Variants in AFG3L2 observed in about 807,000 individuals in gnomAD.
AFG3L2 encodes AFG3 like matrix AAA peptidase subunit 2, also known as mitochondrial inner membrane m-AAA protease component AFG3L2.
In AFG3L2, 54 loss-of-function variants were observed where a neutral mutation model predicts 94.5. The ratio of observed to expected loss-of-function variants is 0.57; its 90% CI spans 0.46 to 0.72. The LOEUF is 0.72. AFG3L2 is among the 30% of genes least tolerant of loss of function. AFG3L2 has a pLI of 0.00. For missense variants in AFG3L2, 754 were observed against 994.9 expected, an observed-to-expected ratio of 0.76 and a Z score of 3.26; for synonymous variants, 377 against 365.5, an observed-to-expected ratio of 1.03 and a Z score of -0.36.
intron 2 of AFG3L2, among the ~76,000 whole-genome samples, chr18:12,371,145 T>TCTA (rs1345840809): frequency 6.6e-6 from 1 of 152,068 alleles, no homozygotes; most frequent in African/African-American, 2.4e-5. Flanking sequence ...AAACTCCGAC[T>TCTA]CTACTAAAAG....
At chr18:12,339,967 C>CCAA (rs1159473073) in intron 15 of AFG3L2, among the ~76,000 whole-genome samples, 3 of 152,082 alleles carry the variant, frequency 2.0e-5, no homozygotes, top group African/African-American at 7.2e-5. Context: ...TTGCAGTGAG[C>CCAA]CAAGATAGAG....
In AFG3L2 at chr18:12,371,685, G is replaced by C. The variant is rs1324490374; in HGVS notation, c.121C>G (p.Arg41Gly). The C allele has an allele frequency of 6.2e-7, 1 of 1,613,438 alleles. No homozygotes were observed. The highest frequency in any genetic ancestry group is 1.1e-5 in the South Asian group (1 of 91,044). The change falls in exon 2 of 17, where the codon CGA becomes GGA. Residue 41 changes from arginine to glycine, a missense_variant. Transcript: ENST00000269143. ...GCCCTTGCTTGAGTTGTAACAAATC[G>C]GTAAAGCTGCAACAAGACATAAAAA... ...GEQPCLRTLY[R>G]FVTTQARASR...
At position 12,372,196 on chromosome 18, in the gene AFG3L2, C is replaced by T. The variant is rs1379396951; in HGVS notation, c.115-505G>A. ...GCAGGTGCCTGTAATCCTAGCTACT[C>T]GGGAGGCTGAGGCAGGAGTACTGCT... is the stretch of plus-strand genomic sequence containing the variant. On this transcript the variant is annotated intron_variant, in intron 1 of 16. Transcript: ENST00000269143. 2.6e-5 allele frequency among the ~76,000 whole-genome samples: 4 copies of T among 152,090 alleles called. No homozygotes were observed. The East Asian group carries it at 5.8e-4, about 22-fold the overall frequency.
Position 12,340,392 on chromosome 18 carries a change from T to C in AFG3L2, c.1789A>G (p.Ile597Val). Residue 597 changes from isoleucine (I) to valine (V), a missense_variant, in exon 15 of 17, where the codon ATC (isoleucine) becomes GTC (valine). Physicochemically the swap from Ile to Val is conservative, Grantham distance 29. Transcript: ENST00000269143. The stretch of plus-strand genomic sequence containing the variant: ...TAACCTAGTCCTTTGCCACGTGGGA[T>C]GATGGATACCTGGTAAGTAGAAAAC... ...HADPLLKVSI[I>V]PRGKGLGYAQ... 1 of 1,613,534 alleles carries C rather than the reference T, an allele frequency of 6.2e-7. No individual in the cohort carries two copies. The highest frequency in any genetic ancestry group is 1.1e-5 in the South Asian group (1 of 91,058).
chr18:12,370,855 T>C lies in AFG3L2; in HGVS notation c.286A>G (p.Lys96Glu), dbSNP rs775447797. The C allele has an allele frequency of 3.8e-6, 6 of 1,578,958 alleles. No homozygotes were observed. The South Asian group carries it at 4.5e-5, about 12-fold the overall frequency. ...ASEPKEVMGE[K>E]KESKPAATTR... ...TAATATTGTCAAAAGGTACCTTTTT[T>C]CTCTCCCATAACTTCTTTAGGTTCA... The change falls in exon 3 of 17, where the codon AAA (lysine) becomes GAA (glutamate). Residue 96 changes from lysine (K) to glutamate (E), a missense_variant. Physicochemically the swap from Lys to Glu is moderately conservative, Grantham distance 56. Transcript: ENST00000269143.
At chr18:12,332,627 AGATT>A (rs1222302848) in intron 16 of AFG3L2, among the ~76,000 whole-genome samples, 1 of 151,508 alleles carries the variant, frequency 6.6e-6, no homozygotes, top group Non-Finnish European at 1.5e-5. Flanking sequence ...TCAGCTCTCT[AGATT>A]ATTTTTAAGA....
chr18:12,340,431 C>G lies in AFG3L2; in HGVS notation c.1780-30G>C, dbSNP rs758301580. The G allele has an allele frequency of 4.6e-6, 7 of 1,530,410 alleles. No homozygotes were observed. The African/African-American group carries it at 9.6e-5, about 21-fold the overall frequency. The allele number at this position is 1,530,410 out of a possible 1,614,324, so 94.8% of individuals were successfully genotyped here. The stretch of plus-strand genomic sequence containing the variant: ...TAAGTAGAAAACAGTGTTGAAGATC[C>G]TACTACAGATGAAGACTTGATCAAA... On this transcript the variant is annotated intron_variant, in intron 14 of 16. Transcript: ENST00000269143.
rs1849510025 is a variant in AFG3L2 at position 12,351,467 on chromosome 18, C to T, written c.1319-54G>A. 9.5e-6 allele frequency: 14 copies of T among 1,477,990 alleles called. No individual in the cohort carries two copies. The South Asian group carries it at 1.5e-4, about 16-fold the overall frequency. The allele number at this position is 1,477,990 out of a possible 1,614,324, so 91.6% of individuals were successfully genotyped here. A position where few individuals can be genotyped will look rare whatever the true frequency, so the allele number is the denominator to read the frequency against. On this transcript the variant is annotated intron_variant, in intron 10 of 16. Coordinates refer to ENST00000269143, the MANE Select transcript of AFG3L2 (RefSeq NM_006796.3). ...TTAAATGACAAGAGGCAGAAAGCAA[C>T]AGTGCACCATCAGGAACATATGAGC...
At chr18:12,372,037 G>A (rs758732859) in intron 1 of AFG3L2, among the ~76,000 whole-genome samples, 1 of 152,196 alleles carries the variant, frequency 6.6e-6, no homozygotes, top group Non-Finnish European at 1.5e-5. Context: ...CAGGCGCAGT[G>A]GCTCACACCT....
chr18:12,375,407 G>A (rs1909118506), intron 1 of AFG3L2, among the ~76,000 whole-genome samples: 1 of 135,910 alleles, frequency 7.4e-6, no homozygotes, highest in South Asian at 2.3e-4. Flanking sequence ...CTGAGCCCAG[G>A]TAAGAAAAAA....
At position 12,358,916 on chromosome 18, in the gene AFG3L2, C is replaced by G. The variant is rs369975925; in HGVS notation, c.780G>C (p.Thr260=). ...DGSFLLSMLP[T]VLIIAFLLYT... is the part of the protein sequence containing the mutation. Reference sequence around the variant, plus strand: ...AGAGCAAGAAGGCGATGATGAGCACCGTAGGCAGCATGCTCAGCAGAAAAG... The same window carrying G: ...AGAGCAAGAAGGCGATGATGAGCACGGTAGGCAGCATGCTCAGCAGAAAAG... The change falls in exon 8 of 17, where the codon ACG becomes ACC. Residue 260 remains threonine (T), a synonymous_variant. Coordinates refer to ENST00000269143, the MANE Select transcript of AFG3L2 (RefSeq NM_006796.3). 1.9e-6 allele frequency: 3 copies of G among 1,613,848 alleles called. No individual in the cohort carries two copies. Among genetic ancestry groups the G allele is most frequent in the Non-Finnish European group, 2.5e-6 (3 of 1,179,932 alleles).
intron 5 of AFG3L2, among the ~76,000 whole-genome samples, chr18:12,365,871 C>CTTT (rs576247423): frequency 0.014 from 1,607 of 113,742 alleles, 92 homozygotes; most frequent in African/African-American, 0.051. Context: ...TGCATCAATT[C>CTTT]TTTTTTTTTT....
Position 12,329,793 on chromosome 18 carries a change from G to T in AFG3L2, c.2176-10C>A. Reference sequence around the variant, plus strand: ...ACAACAGAAGAGCAACCTGAAATATGAACAATTTTCATTAAATACAGTTAC... The same window carrying T: ...ACAACAGAAGAGCAACCTGAAATATTAACAATTTTCATTAAATACAGTTAC... On this transcript the variant is annotated splice_polypyrimidine_tract_variant and intron_variant, in intron 16 of 16. Coordinates refer to ENST00000269143, the MANE Select transcript of AFG3L2 (RefSeq NM_006796.3). 1 of 1,604,490 alleles carries T rather than the reference G, an allele frequency of 6.2e-7. No individual in the cohort carries two copies. The highest frequency in any genetic ancestry group is 1.1e-5 in the South Asian group (1 of 90,842).
chr18:12,353,514 C>CA (rs71172076), intron 9 of AFG3L2, among the ~76,000 whole-genome samples: 10,538 of 81,020 alleles, frequency 0.13, 629 homozygotes, highest in East Asian at 0.2. Context: ...AATTCTGTCT[C>CA]AAAAAAAAAA....
rs745994921 is a variant in AFG3L2, at chr18:12,348,310, C to A, written c.1626G>T (p.Gln542His). 4 of 1,614,168 alleles carry A rather than the reference C, an allele frequency of 2.5e-6. No individual in the cohort carries two copies. The Admixed American group carries it at 6.7e-5, about 27-fold the overall frequency. Residue 542 changes from glutamine to histidine, a missense_variant, in exon 13 of 17, where the codon CAG becomes CAT. Gln to His is a conservative substitution (Grantham distance 24, BLOSUM62 0). Coordinates refer to ENST00000269143, the MANE Select transcript of AFG3L2 (RefSeq NM_006796.3). ...GTTCAATTGCCTGTTCAAAGTGTTT[C>A]TGATTTATGGAATCTGACAGATGCC... ...AARHLSDSIN[Q>H]KHFEQAIERV...
chr18:12,329,875 A>C, intron 16 of AFG3L2, 92 bp from the exon 17 acceptor site: 1 of 1,135,862 alleles, frequency 8.8e-7, no homozygotes, highest in Non-Finnish European at 1.3e-6. Flanking sequence ...CCCATTCCAA[A>C]AAAGGATTTA....
rs979990476 is a variant in AFG3L2 at position 12,359,938 on chromosome 18, A to G, written c.741T>C (p.Ala247=). 5.0e-6 allele frequency: 8 copies of G among 1,613,528 alleles called. No individual in the cohort carries two copies. Among genetic ancestry groups the G allele is most frequent in the Non-Finnish European group, 6.8e-6 (8 of 1,179,998 alleles). ...GENRVPVVYI[A]ESDGSFLLSM... The stretch of plus-strand genomic sequence containing the variant: ...ATATTTGAGATTACCCATCACTTTC[A>G]GCAATGTAGACAACAGGCACCCGAT... The change falls in exon 7 of 17, where the codon GCT becomes GCC. Residue 247 remains alanine (A), a synonymous_variant. Coordinates refer to ENST00000269143, the MANE Select transcript of AFG3L2 (RefSeq NM_006796.3).
chr18:12,367,692 G>A (rs978607787), intron 3 of AFG3L2, among the ~76,000 whole-genome samples: 3 of 152,232 alleles, frequency 2.0e-5, no homozygotes, highest in African/African-American at 4.8e-5. Flanking sequence ...ATGGGTGGCA[G>A]TGTTAGGGGA....
At chr18:12,375,613 T>TC (rs1568148823) in intron 1 of AFG3L2, among the ~76,000 whole-genome samples, 4 of 152,112 alleles carry the variant, frequency 2.6e-5, no homozygotes, top group Admixed American at 1.3e-4. Context: ...TGGCCCGCTC[T>TC]TGGCTCACTG....
Sources: allele counts gnomAD v4.1 joint callset (sites outside exome capture counted in the v4.1 genomes callset), GRCh38; gene constraint gnomAD v4.1.1; transcripts MANE v1.5; gene names NCBI Gene and HGNC (gene_info 2026-07-23, HGNC 2026-07-21).